DLG2: variants seen among roughly 807,000 people sequenced by gnomAD.
The protein encoded by DLG2 is discs large MAGUK scaffold protein 2.
In DLG2, 45 loss-of-function variants were observed where a neutral mutation model predicts 132.5. That is an observed-to-expected ratio of 0.34 (90% CI 0.27 to 0.44). The LOEUF is 0.44. DLG2 is among the 20% of genes least tolerant of loss of function. The pLI, the probability that DLG2 is intolerant of heterozygous loss-of-function variation, is 1.00. For missense variants in DLG2, 1,045 were observed against 1,196.9 expected (o/e 0.87, Z 1.87); for synonymous variants, 424 against 419.6 (o/e 1.01, Z -0.13).
chr11:84,140,333 AT>A (rs2094788108), intron 9 of DLG2, among the ~76,000 whole-genome samples: 1 of 152,134 alleles, frequency 6.6e-6, no homozygotes, highest in Non-Finnish European at 1.5e-5. Flanking sequence ...CTAAGAAATA[AT>A]TTGAAAATAG....
At chr11:85,067,543 T>C (rs568482347) in intron 6 of DLG2, among the ~76,000 whole-genome samples, 262 of 151,962 alleles carry the variant, frequency 1.7e-3, no homozygotes, top group African/African-American at 6.0e-3. Context: ...TGGTATGTTG[T>C]GTCTTTGTTC....
At chr11:83,880,938 T>C (rs937788388) in intron 15 of DLG2, among the ~76,000 whole-genome samples, 6 of 152,204 alleles carry the variant, frequency 3.9e-5, no homozygotes, top group African/African-American at 1.2e-4. Flanking sequence ...ATTCTTTCTT[T>C]ATGAGATAGT....
intron 7 of DLG2, among the ~76,000 whole-genome samples, chr11:84,521,042 C>A (rs1360768665): frequency 1.3e-5 from 2 of 152,114 alleles, no homozygotes; most frequent in African/African-American, 4.8e-5. Context: ...TTTACATTTT[C>A]TTTTTACAAA....
chr11:83,930,439 T>C lies in DLG2; in HGVS notation c.1385A>G (p.Lys462Arg), dbSNP rs2079940448. ...GGAATAGTGCCTGGGAGAAGCAGGC[T>C]TATCACATAGTTTGTTCACAGTGCT... ...VYSTVNKLCD[K>R]PASPRHYSPV... is the part of the protein sequence containing the mutation. Residue 462 changes from lysine (K) to arginine (R), a missense_variant, in exon 15 of 28, where the codon AAG (lysine) becomes AGG (arginine). By Grantham distance (26) the Lys-to-Arg change is conservative. Coordinates refer to ENST00000376104, the MANE Select transcript of DLG2 (RefSeq NM_001142699.3). 3 of 1,613,960 alleles carry C rather than the reference T, an allele frequency of 1.9e-6. No individual in the cohort carries two copies. The highest frequency in any genetic ancestry group is 1.1e-5 in the South Asian group (1 of 91,070).
rs2154262524 is a variant in DLG2 at position 84,163,463 on chromosome 11, T to G, written c.622A>C (p.Arg208=). 6.2e-7 allele frequency: 1 copy of G among 1,605,726 alleles called. No homozygotes were observed. The highest frequency in any genetic ancestry group is 8.5e-7 in the Non-Finnish European group (1 of 1,177,006). Residue 208 remains arginine (R), a splice_region_variant and synonymous_variant, in exon 9 of 28, where the codon AGG becomes CGG. Coordinates refer to ENST00000376104, the MANE Select transcript of DLG2 (RefSeq NM_001142699.3). ...EYEFEEITLE[R]GNSGLGFSIA... is the part of the protein sequence containing the mutation. ...GATTTTTCAAAATTTTTTCTTACCC[T>G]CTCCAGTGTAATTTCTTCAAATTCA...
intron 6 of DLG2, among the ~76,000 whole-genome samples, chr11:84,701,422 G>A (rs1388065424): frequency 1.3e-5 from 2 of 151,414 alleles, no homozygotes; most frequent in Non-Finnish European, 3.0e-5. Context: ...TTACTTCTAG[G>A]AATTATTTTG....
intron 18 of DLG2, among the ~76,000 whole-genome samples, chr11:83,785,674 T>C (rs906190862): frequency 6.6e-6 from 1 of 152,242 alleles, no homozygotes; most frequent in Non-Finnish European, 1.5e-5. Context: ...GACCATGTGA[T>C]TGGCCACCAT....
intron 18 of DLG2, among the ~76,000 whole-genome samples, chr11:83,675,379 T>C (rs2077509218): frequency 6.6e-6 from 1 of 152,226 alleles, no homozygotes; most frequent in Non-Finnish European, 1.5e-5. Flanking sequence ...TTCTTATTTG[T>C]CTTATCATAT....
intron 21 of DLG2, among the ~76,000 whole-genome samples, chr11:83,490,831 A>C (rs2093798155): frequency 6.6e-6 from 1 of 152,036 alleles, no homozygotes; most frequent in Non-Finnish European, 1.5e-5. Flanking sequence ...TTCTAGATTA[A>C]AGGAGATAAG....
chr11:85,360,120 C>T (rs1237015184), intron 3 of DLG2, among the ~76,000 whole-genome samples: 1 of 152,162 alleles, frequency 6.6e-6, no homozygotes, highest in Non-Finnish European at 1.5e-5. Flanking sequence ...ACGGAAAAGT[C>T]CTCTACAATT....
intron 16 of DLG2, among the ~76,000 whole-genome samples, chr11:83,861,360 C>T (rs1770276649): frequency 6.6e-6 from 1 of 152,102 alleles, no homozygotes; most frequent in Non-Finnish European, 1.5e-5. Flanking sequence ...TCATATGATC[C>T]AGCACTCCCA....
intron 11 of DLG2, among the ~76,000 whole-genome samples, chr11:84,039,145 A>G (rs1228158741): frequency 6.6e-6 from 1 of 152,052 alleles, no homozygotes; most frequent in South Asian, 2.1e-4. Context: ...CATTCATTTT[A>G]TTCATTCAGT....
chr11:85,619,486 A>C (rs1347212239), intron 2 of DLG2, among the ~76,000 whole-genome samples: 1 of 152,030 alleles, frequency 6.6e-6, no homozygotes, highest in Non-Finnish European at 1.5e-5. Context: ...AATTCTTTTG[A>C]GTTTTATGGC....
intron 6 of DLG2, among the ~76,000 whole-genome samples, chr11:84,668,699 G>A (rs1207431285): frequency 2.0e-5 from 3 of 151,966 alleles, no homozygotes; most frequent in Non-Finnish European, 2.9e-5. Flanking sequence ...ATATTTTATC[G>A]CTGACTCTGA....
intron 7 of DLG2, among the ~76,000 whole-genome samples, chr11:84,374,012 G>A (rs980079220): frequency 6.6e-6 from 1 of 152,148 alleles, no homozygotes; most frequent in Non-Finnish European, 1.5e-5. Flanking sequence ...TCTGCGTTGA[G>A]AGGTTCCTCC....
chr11:84,536,699 C>T (rs1046485484), intron 6 of DLG2, among the ~76,000 whole-genome samples: 1 of 152,204 alleles, frequency 6.6e-6, no homozygotes, highest in African/African-American at 2.4e-5. Context: ...TCTATGTTGT[C>T]ATCTGAGCCA....
chr11:83,696,040 A>G lies in DLG2; in HGVS notation c.1826-62715T>C, dbSNP rs189249874. On this transcript the variant is annotated intron_variant, in intron 18 of 27. Coordinates refer to ENST00000376104, the MANE Select transcript of DLG2 (RefSeq NM_001142699.3). ...TCCCATAGGCCATGGGAGCCTCTGT[A>G]AGACTTTAAACAGCAGAGTGAACAT... Among the ~76,000 whole-genome samples the G allele has an allele frequency of 3.8e-3, 581 of 152,262 alleles. 11 individuals carry two copies. Among genetic ancestry groups the G allele is most frequent in the Non-Finnish European group, 1.0e-3 (70 of 68,020 alleles).
At chr11:84,096,864 G>A (rs777766114) in intron 10 of DLG2, among the ~76,000 whole-genome samples, 2 of 148,728 alleles carry the variant, frequency 1.3e-5, no homozygotes, top group African/African-American at 2.5e-5. Context: ...TCATGTGGGA[G>A]TATCTTTTTT....
intron 26 of DLG2, among the ~76,000 whole-genome samples, chr11:83,465,870 G>T (rs1056341482): frequency 2.6e-5 from 4 of 152,186 alleles, no homozygotes; most frequent in Non-Finnish European, 5.9e-5. Flanking sequence ...ACCAAATCTT[G>T]CCTGATCAAT....
Sources: gnomAD v4.1 joint callset for allele counts (sites outside exome capture counted in the v4.1 genomes callset) on GRCh38, gnomAD v4.1.1 for gene constraint, MANE v1.5 for transcripts, NCBI Gene and HGNC (gene_info 2026-07-23, HGNC 2026-07-21) for gene names.